Variants in EPHA8 observed in about 807,000 individuals in gnomAD.
EPHA8 encodes EPH receptor A8.
Under a neutral mutation model 103.6 loss-of-function variants are expected in EPHA8, and 58 were observed. The ratio of observed to expected loss-of-function variants is 0.56; its 90% confidence interval spans 0.45 to 0.70. EPHA8 has a LOEUF of 0.70. Ranked by LOEUF, EPHA8 falls within the 30% of genes least tolerant of loss-of-function variation. The probability of loss-of-function intolerance (pLI) is 0.00; values close to 1 mark genes in which losing one functional copy is unlikely to be tolerated. For missense variants in EPHA8, 1,304 were observed against 1,395.2 expected (o/e 0.93, Z 1.04); for synonymous variants, 559 against 572.5 (o/e 0.98, Z 0.34).
chr1:22,565,232 C>T (rs971558552), intron 1 of EPHA8, among the ~76,000 whole-genome samples: 14 of 152,202 alleles, frequency 9.2e-5, no homozygotes, highest in Non-Finnish European at 1.8e-4. Context: ...TGCATGTGCA[C>T]CAACAAACAC....
intron 7 of EPHA8, 101 bp downstream of exon 7, chr1:22,593,787 C>A: frequency 7.5e-7 from 1 of 1,339,238 alleles, no homozygotes; most frequent in Non-Finnish European, 9.9e-7. Context: ...TGAGCCAGTG[C>A]CAATGCAGGA....
intron 3 of EPHA8, among the ~76,000 whole-genome samples, chr1:22,584,333 G>A (rs1295331308): frequency 6.6e-6 from 1 of 152,152 alleles, no homozygotes; most frequent in Non-Finnish European, 1.5e-5. Context: ...GCAGACCAGA[G>A]CCCTCTTGGG....
rs762088600 is a variant in EPHA8 at position 22,586,492 on chromosome 1, G to C, written c.836G>C (p.Gly279Ala). The change falls in exon 4 of 17, where the codon GGC becomes GCC. Residue 279 changes from glycine to alanine, a missense_variant. Physicochemically the swap from Gly to Ala is moderately conservative, Grantham distance 60. Transcript: ENST00000166244. ...TTCTCCTCCACAGCCTGTGAGCTGG[G>C]CTTCTACAAGTCAGCCCCTGGGGAC... ...RRDACVACEL[G>A]FYKSAPGDQL... The C allele has an allele frequency of 6.2e-7, 1 of 1,613,488 alleles. No individual in the cohort carries two copies. Among genetic ancestry groups the C allele is most frequent in the South Asian group, 1.1e-5 (1 of 91,032 alleles).
rs202015824 is a variant in EPHA8, at chr1:22,576,802, G to A, written c.745G>A (p.Ala249Thr). 1.9e-6 allele frequency: 3 copies of A among 1,612,988 alleles called. No homozygotes were observed. Among genetic ancestry groups the A allele is most frequent in the Non-Finnish European group, 2.5e-6 (3 of 1,179,616 alleles). Residue 249 changes from alanine to threonine, a missense_variant, in exon 3 of 17, where the codon GCG (alanine) becomes ACG (threonine). By Grantham distance (58) the Ala-to-Thr change is moderately conservative. Coordinates refer to ENST00000166244, the MANE Select transcript of EPHA8 (RefSeq NM_020526.5). This position sits in a 1 kb window ranked among gnomAD's most constrained non-coding sequence, Gnocchi z 4.8. ...ERDTPKMYCS[A>T]EGEWLVPIGK... ...GGACACACCCAAGATGTACTGCAGC[G>A]CGGAGGGCGAGTGGCTCGTGCCCAT... is the stretch of plus-strand genomic sequence containing the variant.
intron 3 of EPHA8, among the ~76,000 whole-genome samples, chr1:22,577,790 G>C (rs369724262): frequency 1.4e-5 from 2 of 147,010 alleles, no homozygotes; most frequent in Non-Finnish European, 3.0e-5. Context: ...GCATGTGTGC[G>C]TGTGTGCGTA....
chr1:22,591,744 C>T (rs1641377474), intron 5 of EPHA8, among the ~76,000 whole-genome samples: 1 of 152,156 alleles, frequency 6.6e-6, no homozygotes, highest in Non-Finnish European at 1.5e-5. Flanking sequence ...CTGGGTCTTT[C>T]CCTGCTGCTA....
intron 4 of EPHA8, among the ~76,000 whole-genome samples, chr1:22,586,900 G>C (rs998551744): frequency 3.3e-5 from 5 of 152,222 alleles, no homozygotes; most frequent in African/African-American, 1.2e-4. Flanking sequence ...TCCCCACATC[G>C]GGCAGTTTTT....
chr1:22,599,882 AGTGGGG>A (rs1641654840), intron 13 of EPHA8, among the ~76,000 whole-genome samples: 2 of 57,246 alleles, frequency 3.5e-5, no homozygotes, highest in Admixed American at 2.2e-4. Flanking sequence ...GGAGGGAGGG[AGTGGGG>A]GAGGAAGGAA....
intron 3 of EPHA8, among the ~76,000 whole-genome samples, chr1:22,578,828 CCT>C (rs1282354161): frequency 7.0e-6 from 1 of 141,902 alleles, no homozygotes; most frequent in African/African-American, 2.7e-5. Flanking sequence ...CATGTGCATG[CCT>C]GTGTGTATAT....
rs1641581271 is a variant in EPHA8, at chr1:22,598,304, C to T, written c.2178+92C>T. 2 of 1,333,704 alleles carry T rather than the reference C, an allele frequency of 1.5e-6. No individual in the cohort carries two copies. Among genetic ancestry groups the T allele is most frequent in the Non-Finnish European group, 2.1e-6 (2 of 955,444 alleles). 82.6% of individuals were successfully genotyped at this position (1,333,704 alleles called of 1,614,324 possible). A position where few individuals can be genotyped will look rare whatever the true frequency, so the allele number is the denominator to read the frequency against. On this transcript the variant is annotated intron_variant, in intron 12 of 16. Transcript: ENST00000166244. The surrounding 1 kb of genome is among the most constrained non-coding windows in gnomAD (Gnocchi z 5.1). ...TAGTGCAAAGCCCTCTAAGCCCCCT[C>T]CCTGGCTTGGACACCACAGGCCGGG...
At position 22,593,406 on chromosome 1, in the gene EPHA8, C is replaced by T. The variant is rs756827993; in HGVS notation, c.1396C>T (p.Pro466Ser). 1.3e-6 allele frequency: 2 copies of T among 1,593,664 alleles called. No homozygotes were observed. Among genetic ancestry groups the T allele is most frequent in the East Asian group, 4.6e-5 (2 of 43,850 alleles). ...VSLLWQEPEQPNGIILEYEIK... is the reference protein window; with the variant it reads ...VSLLWQEPEQSNGIILEYEIK... ...GCTGCTGTGGCAGGAGCCCGAGCAG[C>T]CGAACGGCATCATCCTGGAGTATGA... Residue 466 changes from proline (P) to serine (S), a missense_variant, in exon 6 of 17, where the codon CCG becomes TCG. By Grantham distance (74) the Pro-to-Ser change is moderately conservative. Coordinates refer to ENST00000166244, the MANE Select transcript of EPHA8 (RefSeq NM_020526.5).
chr1:22,565,481 G>A (rs572360021), intron 1 of EPHA8, among the ~76,000 whole-genome samples: 3 of 152,294 alleles, frequency 2.0e-5, no homozygotes, highest in East Asian at 1.9e-4. Context: ...CCGAGAAGAC[G>A]GCTTTCTGAG....
intron 2 of EPHA8, among the ~76,000 whole-genome samples, chr1:22,574,085 T>A (rs1363991417): frequency 6.6e-6 from 1 of 152,172 alleles, no homozygotes; most frequent in African/African-American, 2.4e-5. Context: ...TTCACGCCAT[T>A]CTCCTGCCTC....
In EPHA8 at chr1:22,593,457, C is replaced by A. The variant is rs199607831; in HGVS notation, c.1440+7C>A. Reference sequence around the variant, plus strand: ...GATCAAGTACTACGAGAAGGTACCACGGGCAGGACGGAGTGGGAGGGGCTG... The same window carrying A: ...GATCAAGTACTACGAGAAGGTACCAAGGGCAGGACGGAGTGGGAGGGGCTG... On this transcript the variant is annotated splice_region_variant and intron_variant, in intron 6 of 16. Transcript: ENST00000166244. The A allele has an allele frequency of 6.2e-7, 1 of 1,610,202 alleles. No individual in the cohort carries two copies. Among genetic ancestry groups the A allele is most frequent in the Non-Finnish European group, 8.5e-7 (1 of 1,177,918 alleles).
At chr1:22,592,684 G>A (rs560106639) in intron 5 of EPHA8, among the ~76,000 whole-genome samples, 7 of 152,278 alleles carry the variant, frequency 4.6e-5, no homozygotes, top group Non-Finnish European at 1.0e-4. Flanking sequence ...GGAGGAGGAG[G>A]CCTGAGGGCT....
At chr1:22,568,278 C>T (rs1245130396) in intron 1 of EPHA8, among the ~76,000 whole-genome samples, 1 of 152,200 alleles carries the variant, frequency 6.6e-6, no homozygotes, top group South Asian at 2.1e-4. Flanking sequence ...GTCTGACCCC[C>T]CAGATGGGCT....
intron 13 of EPHA8, among the ~76,000 whole-genome samples, chr1:22,599,638 G>A (rs1236783089): frequency 1.3e-5 from 1 of 79,588 alleles, no homozygotes; most frequent in Non-Finnish European, 2.4e-5. Context: ...AGGAAGGAAG[G>A]GAGGGAGGGA....
Position 22,589,749 on chromosome 1 carries a change from G to A in EPHA8, c.1315+543G>A, listed in dbSNP as rs770342485. 221 of 931,476 alleles carry A rather than the reference G, an allele frequency of 2.4e-4. 1 individual carries two copies. Among genetic ancestry groups the A allele is most frequent in the Non-Finnish European group, 2.8e-4 (216 of 776,694 alleles). The allele number at this position is 931,476 out of a possible 1,614,324, so 57.7% of individuals were successfully genotyped here. On this transcript the variant is annotated intron_variant, in intron 5 of 16. Transcript: ENST00000166244. The surrounding 1 kb of genome is among the most constrained non-coding windows in gnomAD (Gnocchi z 4.3). ...CAGTTGGTGGGCTGAATTCACCCCC[G>A]GAACCTCTTTCTTCCCAAACTCTGG...
rs114163643 is a variant in EPHA8 at position 22,566,490 on chromosome 1, C to A, written c.94+2761C>A. Among the ~76,000 whole-genome samples, 1,181 of 152,234 alleles carry A rather than the reference C, an allele frequency of 7.8e-3. 11 individuals are homozygous for A. Among genetic ancestry groups the A allele is most frequent in the African/African-American group, 0.027 (1,113 of 41,528 alleles). ...AGAGCAGGAGAGGGACCCGTTTGAT[C>A]CCCCCAGAACAGCCCGGGCAGATAG... On this transcript the variant is annotated intron_variant, in intron 1 of 16. Coordinates refer to ENST00000166244, the MANE Select transcript of EPHA8 (RefSeq NM_020526.5).
Sources: gnomAD v4.1 joint callset for allele counts (sites outside exome capture counted in the v4.1 genomes callset) on GRCh38, gnomAD v4.1.1 for gene constraint, Gnocchi (gnomAD v3.1) non-coding constraint, MANE v1.5 for transcripts, NCBI Gene and HGNC (gene_info 2026-07-23, HGNC 2026-07-21) for gene names.